Variants in LRRFIP1 observed in about 807,000 individuals in gnomAD.
LRRFIP1 encodes leucine-rich repeat flightless-interacting protein 1.
Under a neutral mutation model 104.4 loss-of-function variants are expected in LRRFIP1, and 62 were observed. The observed-to-expected ratio is 0.59, with a 90% CI of 0.48 to 0.73. LRRFIP1 has a LOEUF of 0.73. LRRFIP1 is among the 30% of genes least tolerant of loss of function. The pLI is 0.00. For synonymous variants in LRRFIP1, 300 were observed against 299.0 expected (o/e 1.00, Z -0.03); for missense variants, 796 against 824.5 (o/e 0.97, Z 0.42).
Position 237,650,520 on chromosome 2 carries a change from C to T in LRRFIP1, c.96+22780C>T, listed in dbSNP as rs534152905. On this transcript the variant is annotated intron_variant, in intron 1 of 23. Transcript: ENST00000308482. ...CAGCCCTGGATGGCCGGGCAGGTTA[C>T]GCACTGCAGAAGCCCTGGGAGCACC... 1.2e-4 allele frequency among the ~76,000 whole-genome samples: 19 copies of T among 152,300 alleles called. 1 individual carries two copies. The South Asian group carries it at 3.5e-3, about 28-fold the overall frequency.
At chr2:237,757,403 G>A in intron 16 of LRRFIP1, 53 bp from the exon 17 acceptor site, 1 of 1,282,928 alleles carries the variant, frequency 7.8e-7, no homozygotes, top group Non-Finnish European at 1.1e-6. Context: ...TCGGGCTGGG[G>A]TTTTTCTTCC....
rs150506601 is a variant in LRRFIP1, at chr2:237,780,809, C to T, written c.*1277C>T. On this transcript the variant is annotated 3_prime_UTR_variant, in exon 24 of 24. Transcript: ENST00000308482. ...GAACTGTATGGATCTAGGATATACA[C>T]AGCTGCGTTGCATTAAGAAAGAGAT... Among the ~76,000 whole-genome samples the T allele has an allele frequency of 1.8e-4, 28 of 152,326 alleles. No homozygotes were observed. In the East Asian group the frequency reaches 5.4e-3, roughly 29 times the overall value.
At position 237,735,050 on chromosome 2, in the gene LRRFIP1, A is replaced by C. The variant is rs529885284; in HGVS notation, c.490-218A>C. Among the ~76,000 whole-genome samples the C allele has an allele frequency of 2.6e-5, 4 of 152,180 alleles. No individual in the cohort carries two copies. Among genetic ancestry groups the C allele is most frequent in the Middle Eastern group, 3.4e-3 (1 of 294 alleles). On this transcript the variant is annotated intron_variant, in intron 9 of 23. Coordinates refer to ENST00000308482, the MANE Select transcript of LRRFIP1 (RefSeq NM_001137550.2). This position sits in a 1 kb window ranked among gnomAD's most constrained non-coding sequence, Gnocchi z 4.6. The stretch of plus-strand genomic sequence containing the variant: ...TGGTCTGTTGGAGATTACATTGCAC[A>C]CCTCCTGACAACGACTAAAACCGGT...
intron 1 of LRRFIP1, among the ~76,000 whole-genome samples, chr2:237,695,094 G>A (rs1187527071): frequency 1.3e-5 from 2 of 152,194 alleles, no homozygotes; most frequent in Non-Finnish European, 2.9e-5. Context: ...ATGGTGGAGC[G>A]TGGAATCATA....
At chr2:237,675,477 C>G (rs2091009707) in intron 1 of LRRFIP1, among the ~76,000 whole-genome samples, 1 of 152,206 alleles carries the variant, frequency 6.6e-6, no homozygotes. Context: ...GCTTCACCAG[C>G]CTGCCAGGGG....
In LRRFIP1 at chr2:237,714,247, C is replaced by G. The variant is rs2094233259; in HGVS notation, c.184-12C>G. 1.9e-6 allele frequency: 3 copies of G among 1,581,146 alleles called. No homozygotes were observed. Among genetic ancestry groups the G allele is most frequent in the Non-Finnish European group, 2.6e-6 (3 of 1,157,598 alleles). ...ATTTTACATTTCTTTTTTCTTCTGTCCTTCTCTATAGATCTATCAGGTCCA... is the reference window on the plus strand; with the variant it reads ...ATTTTACATTTCTTTTTTCTTCTGTGCTTCTCTATAGATCTATCAGGTCCA... On this transcript the variant is annotated splice_polypyrimidine_tract_variant and intron_variant, in intron 2 of 23. Coordinates refer to ENST00000308482, the MANE Select transcript of LRRFIP1 (RefSeq NM_001137550.2).
At chr2:237,733,636 C>G in intron 8 of LRRFIP1, 138 bp from the exon 9 acceptor site, 1 of 725,820 alleles carries the variant, frequency 1.4e-6, no homozygotes, top group Non-Finnish European at 2.3e-6. Context: ...CACGGTGCCT[C>G]GATCGGTTTG....
chr2:237,777,125 G>T (rs1018751055), intron 23 of LRRFIP1, among the ~76,000 whole-genome samples: 8 of 152,010 alleles, frequency 5.3e-5, no homozygotes, highest in Non-Finnish European at 8.8e-5. Flanking sequence ...CTCCTGCCTG[G>T]CATGCACACC....
At position 237,761,692 on chromosome 2, in the gene LRRFIP1, G is replaced by T. The variant is rs140881598; in HGVS notation, c.1459+1487G>T. On this transcript the variant is annotated intron_variant, in intron 19 of 23. Transcript: ENST00000308482. ...TAAAATATATGCAAAGATATGCAAA[G>T]AAGTTTTAGAGTAAAACTCTAAATA... Among the ~76,000 whole-genome samples the T allele has an allele frequency of 4.6e-3, 705 of 152,310 alleles. 6 individuals carry two copies. Among genetic ancestry groups the T allele is most frequent in the African/African-American group, 0.016 (681 of 41,566 alleles).
chr2:237,688,038 C>T (rs573088773), intron 1 of LRRFIP1, among the ~76,000 whole-genome samples: 16 of 152,358 alleles, frequency 1.1e-4, no homozygotes, highest in Admixed American at 3.9e-4. Context: ...GACCATGCTA[C>T]TGGCCTTTCG....
chr2:237,703,565 C>T lies in LRRFIP1; in HGVS notation c.97-4979C>T, dbSNP rs540157370. ...CACCAGCTCCTGGTCGCAGCCACCC[C>T]GGCTCTGCTTGTCCTGTTTCAGGGT... is the stretch of plus-strand genomic sequence containing the variant. On this transcript the variant is annotated intron_variant, in intron 1 of 23. Transcript: ENST00000308482. The surrounding 1 kb of genome is among the most constrained non-coding windows in gnomAD (Gnocchi z 4.3). Among the ~76,000 whole-genome samples, 6 of 152,104 alleles carry T rather than the reference C, an allele frequency of 3.9e-5. No homozygotes were observed. Among genetic ancestry groups the T allele is most frequent in the African/African-American group, 1.2e-4 (5 of 41,494 alleles).
At chr2:237,774,907 G>A (rs968493954) in intron 23 of LRRFIP1, among the ~76,000 whole-genome samples, 1 of 152,236 alleles carries the variant, frequency 6.6e-6, no homozygotes, top group Non-Finnish European at 1.5e-5. Flanking sequence ...TTGAGAAGCC[G>A]AGCTGCTGTT....
At chr2:237,737,273 C>G (rs545934806) in intron 10 of LRRFIP1, among the ~76,000 whole-genome samples, 22 of 152,158 alleles carry the variant, frequency 1.4e-4, no homozygotes, top group Non-Finnish European at 2.6e-4. Context: ...ACATGTACCC[C>G]CTTTCCTAGT....
At chr2:237,722,193 T>C (rs1484685094) in intron 6 of LRRFIP1, 2 of 151,878 alleles carry the variant, frequency 1.3e-5, no homozygotes, top group Non-Finnish European at 2.9e-5. Flanking sequence ...AACGGAAATA[T>C]TGAGGGCAAA....
intron 1 of LRRFIP1, 64 bp from the exon 2 acceptor site, chr2:237,708,480 C>A: frequency 8.0e-7 from 1 of 1,242,422 alleles, no homozygotes; most frequent in Middle Eastern, 2.8e-4. Flanking sequence ...ATCATCACTG[C>A]TGACCCTGTA....
intron 1 of LRRFIP1, among the ~76,000 whole-genome samples, chr2:237,647,736 A>G: frequency 9.0e-6 from 1 of 111,144 alleles, no homozygotes. Flanking sequence ...AGGTGGAGGG[A>G]GCAGGAGCAG....
chr2:237,766,527 C>T lies in LRRFIP1; in HGVS notation c.1460-3416C>T, dbSNP rs1026738800. ...ATTTTAAGTTCTTTCTCATGTTATT[C>T]ACCAGCACCCTGCAGGACGTTGGGC... On this transcript the variant is annotated intron_variant, in intron 19 of 23. Transcript: ENST00000308482. The surrounding 1 kb of genome is among the most constrained non-coding windows in gnomAD (Gnocchi z 4.8). Among the ~76,000 whole-genome samples the T allele has an allele frequency of 6.6e-6, 1 of 152,150 alleles. No homozygotes were observed. Among genetic ancestry groups the T allele is most frequent in the Non-Finnish European group, 1.5e-5 (1 of 68,006 alleles).
chr2:237,668,133 T>TC (rs1056047368), intron 1 of LRRFIP1, among the ~76,000 whole-genome samples: 1 of 150,602 alleles, frequency 6.6e-6, no homozygotes, highest in African/African-American at 2.5e-5. Context: ...GAGCCGGGGC[T>TC]CCCCCGAGCT....
At chr2:237,752,803 C>T (rs1188217012) in intron 14 of LRRFIP1, among the ~76,000 whole-genome samples, 1 of 152,252 alleles carries the variant, frequency 6.6e-6, no homozygotes, top group Non-Finnish European at 1.5e-5. Context: ...TCTGAACTCA[C>T]TACTGCTCCT....
Sources: gnomAD v4.1 joint callset for allele counts (sites outside exome capture counted in the v4.1 genomes callset) on GRCh38, gnomAD v4.1.1 for gene constraint, Gnocchi (gnomAD v3.1) non-coding constraint, MANE v1.5 for transcripts, NCBI Gene and HGNC (gene_info 2026-07-23, HGNC 2026-07-21) for gene names.